Variants in OTULIN observed in about 807,000 individuals in gnomAD.
OTULIN encodes ubiquitin thioesterase otulin.
A neutral mutation model predicts 39.6 loss-of-function variants in OTULIN; 15 were observed. The observed-to-expected ratio is 0.38, with a 90% CI of 0.25 to 0.58. The LOEUF (loss-of-function observed/expected upper bound fraction) is 0.58, where lower values mean the gene tolerates loss of function less well. Ranked by LOEUF, OTULIN falls within the 20% of genes least tolerant of loss-of-function variation. OTULIN has a pLI of 0.66. For missense variants in OTULIN, 319 were observed against 445.9 expected, an observed-to-expected ratio of 0.72 and a Z score of 2.56; for synonymous variants, 156 against 170.3, an observed-to-expected ratio of 0.92 and a Z score of 0.65.
the OTULIN span, chr5:14,706,882 T>G: frequency 6.6e-6 from 1 of 152,226 alleles, no homozygotes; most frequent in African/African-American, 2.4e-5. Flanking sequence ...CAGAGGACTG[T>G]GTGTGAGGGC....
chr5:14,703,258 G>A (rs1736842590), downstream of OTULIN, among the ~76,000 whole-genome samples: 1 of 142,268 alleles, frequency 7.0e-6, no homozygotes, highest in Admixed American at 7.3e-5. Context: ...GAGCTTATTG[G>A]GAGCAGAATT....
In OTULIN at chr5:14,680,604, C is replaced by T. The variant is rs1736221877; in HGVS notation, c.325-860C>T. 3.9e-5 allele frequency among the ~76,000 whole-genome samples: 6 copies of T among 152,324 alleles called. 1 individual carries two copies. In the South Asian group the frequency reaches 1.2e-3, roughly 32 times the overall value. ...TCTAGCTGGAGAAGCCAGGCATCAT[C>T]ATGCCTGCTGGGGGACCAGACTCAC... On this transcript the variant is annotated intron_variant, in intron 3 of 6. Coordinates refer to ENST00000284274, the MANE Select transcript of OTULIN (RefSeq NM_138348.6).
intron 2 of OTULIN, 42 bp downstream of exon 2, chr5:14,673,760 A>C: frequency 6.5e-7 from 1 of 1,533,186 alleles, no homozygotes; most frequent in African/African-American, 1.4e-5. Flanking sequence ...CTTATTGTTT[A>C]TAGCAGAAAA....
Position 14,696,414 on chromosome 5 carries a change from G to A in OTULIN, c.*3366G>A, listed in dbSNP as rs1263475148. 6.6e-6 allele frequency: 1 copy of A among 152,198 alleles called. No individual in the cohort carries two copies. Among genetic ancestry groups the A allele is most frequent in the African/African-American group, 2.4e-5 (1 of 41,446 alleles). 9.4% of individuals were successfully genotyped at this position (152,198 alleles called of 1,614,324 possible). On this transcript the variant is annotated 3_prime_UTR_variant, in exon 7 of 7. Transcript: ENST00000284274. The stretch of plus-strand genomic sequence containing the variant: ...TTGGGGAATCTTAACTTGTAGACAT[G>A]CAGTAAAAGAAATGCATTTATGTAA...
downstream of OTULIN, among the ~76,000 whole-genome samples, chr5:14,703,667 A>G (rs550074345): frequency 9.8e-4 from 150 of 152,322 alleles, no homozygotes; most frequent in Non-Finnish European, 1.8e-3. Context: ...TGCTGGGGCC[A>G]GCGCAGCTCT....
chr5:14,714,476 G>T, the OTULIN span, among the ~76,000 whole-genome samples: 2 of 152,318 alleles, frequency 1.3e-5, no homozygotes, highest in African/African-American at 4.8e-5. Context: ...CCTCCCTGTG[G>T]ACAGCACCAG....
chr5:14,711,231 G>C, the OTULIN span: 3 of 1,613,952 alleles, frequency 1.9e-6, no homozygotes, highest in Non-Finnish European at 2.5e-6. Context: ...CACGATGTCT[G>C]TCACCTCCTC....
chr5:14,673,601 G>A, intron 1 of OTULIN, 41 bp from the exon 2 acceptor site: 1 of 1,586,084 alleles, frequency 6.3e-7, no homozygotes, highest in Non-Finnish European at 8.6e-7. Flanking sequence ...AAATGTCAGT[G>A]CAACAAGTGT....
At chr5:14,674,866 A>G (rs2126817963) in intron 2 of OTULIN, among the ~76,000 whole-genome samples, 1 of 152,344 alleles carries the variant, frequency 6.6e-6, no homozygotes, top group South Asian at 2.1e-4. Context: ...TCCCTAAAGA[A>G]CTGACAGGCC....
intron 2 of OTULIN, among the ~76,000 whole-genome samples, chr5:14,678,138 A>G (rs181444547): frequency 6.6e-6 from 1 of 152,254 alleles, no homozygotes; most frequent in Non-Finnish European, 1.5e-5. Flanking sequence ...AGGAATAGAG[A>G]GCAAAAGTGT....
downstream of OTULIN, among the ~76,000 whole-genome samples, chr5:14,702,695 C>G (rs1736821455): frequency 6.6e-6 from 1 of 152,132 alleles, no homozygotes; most frequent in Admixed American, 6.5e-5. Flanking sequence ...AGGCCGCTCT[C>G]CTCAGCCATT....
chr5:14,678,273 G>T (rs967780969), intron 2 of OTULIN, among the ~76,000 whole-genome samples: 1 of 152,228 alleles, frequency 6.6e-6, no homozygotes, highest in East Asian at 1.9e-4. Flanking sequence ...GGAGGCTGTA[G>T]CTGGGGCTGG....
intron 1 of OTULIN, among the ~76,000 whole-genome samples, chr5:14,667,623 C>T (rs1034357739): frequency 1.3e-5 from 2 of 152,342 alleles, no homozygotes; most frequent in South Asian, 2.1e-4. Flanking sequence ...AATCCTCTTG[C>T]CGCAGCTTCC....
In OTULIN at chr5:14,678,667, A is replaced by C; in HGVS notation, c.230-14A>C. On this transcript the variant is annotated splice_polypyrimidine_tract_variant and intron_variant, in intron 2 of 6. Coordinates refer to ENST00000284274, the MANE Select transcript of OTULIN (RefSeq NM_138348.6). ...TTTATTATTTGCTTTTTTTTTTTTT[A>C]AATTCTTTAACAGAACCGAGATTAA... 1 of 1,464,458 alleles carries C rather than the reference A, an allele frequency of 6.8e-7. No individual in the cohort carries two copies. The highest frequency in any genetic ancestry group is 1.3e-5 in the South Asian group (1 of 76,158). The allele number at this position is 1,464,458 out of a possible 1,614,324, so 90.7% of individuals were successfully genotyped here. A position where few individuals can be genotyped will look rare whatever the true frequency, so the allele number is the denominator to read the frequency against.
chr5:14,711,432 A>G, the OTULIN span: 20 of 818,806 alleles, frequency 2.4e-5, no homozygotes, highest in Non-Finnish European at 3.7e-5. Flanking sequence ...AAACCTTCTT[A>G]TGGTTGGGGT....
In OTULIN at chr5:14,690,256, A is replaced by G. The variant is rs777800432; in HGVS notation, c.812A>G (p.Gln271Arg). 1.2e-6 allele frequency: 2 copies of G among 1,614,210 alleles called. No homozygotes were observed. Among genetic ancestry groups the G allele is most frequent in the Non-Finnish European group, 8.5e-7 (1 of 1,180,036 alleles). ...CGGGACACATCAAATGACCCAGGAC[A>G]GCTTCTGAGGAACCACCTCAACCAG... is the stretch of plus-strand genomic sequence containing the variant. ...FARDTSNDPG[Q>R]LLRNHLNQVG... is the part of the protein sequence containing the mutation. Residue 271 changes from glutamine to arginine, a missense_variant, in exon 6 of 7, where the codon CAG (glutamine) becomes CGG (arginine). Gln to Arg is a conservative substitution (Grantham distance 43). This residue lies in a region of OTULIN where 106 missense variants were observed against 192.8 expected (regional missense o/e 0.55). Coordinates refer to ENST00000284274, the MANE Select transcript of OTULIN (RefSeq NM_138348.6). The surrounding 1 kb of genome is among the most constrained non-coding windows in gnomAD (Gnocchi z 4.5).
rs987735894 is a variant in OTULIN at position 14,696,578 on chromosome 5, G to A, written c.*3530G>A. The A allele has an allele frequency of 3.3e-5, 5 of 152,226 alleles. No homozygotes were observed. Among genetic ancestry groups the A allele is most frequent in the African/African-American group, 1.2e-4 (5 of 41,454 alleles). The allele number at this position is 152,226 out of a possible 1,614,324, so 9.4% of individuals were successfully genotyped here. On this transcript the variant is annotated 3_prime_UTR_variant, in exon 7 of 7. Transcript: ENST00000284274. ...TAATTTAAAAATGGTCCAAGGAACT[G>A]TAAGAAGGAGGAACTAATTCTAGAA...
chr5:14,712,306 C>T, the OTULIN span, among the ~76,000 whole-genome samples: 1 of 152,256 alleles, frequency 6.6e-6, no homozygotes, highest in African/African-American at 2.4e-5. Flanking sequence ...AACTGTTTCC[C>T]CACCCATGTG....
intron 5 of OTULIN, 54 bp from the exon 6 acceptor site, chr5:14,689,985 A>C (rs1438932840): frequency 3.2e-6 from 5 of 1,566,760 alleles, no homozygotes; most frequent in Non-Finnish European, 4.3e-6. Context: ...ATGGTACTAT[A>C]CCAGGGATTT....
Sources: gnomAD v4.1 joint callset for allele counts (sites outside exome capture counted in the v4.1 genomes callset) on GRCh38, gnomAD v4.1.1 for gene constraint, gnomAD v4.1.1 regional missense constraint, Gnocchi (gnomAD v3.1) non-coding constraint, MANE v1.5 for transcripts, NCBI Gene and HGNC (gene_info 2026-07-23, HGNC 2026-07-21) for gene names.